The following WWC2 variants were observed in gnomAD, a reference collection of about 807,000 sequenced individuals.
WWC2 encodes the protein protein WWC2.
WWC2 carries 101 observed loss-of-function variants against 138.5 expected under a neutral mutation model. That is an observed-to-expected ratio of 0.73 (90% confidence interval 0.62 to 0.86). WWC2 has a LOEUF of 0.86. Among genes scored for constraint, WWC2 ranks in the 40% least tolerant of loss-of-function variants. The pLI is 0.00. For missense variants in WWC2, 1,420 were observed against 1,419.4 expected (o/e 1.00, Z -0.01); for synonymous variants, 558 against 538.4 (o/e 1.04, Z -0.50).
At chr4:183,200,335 T>G (rs1176013847) in intron 2 of WWC2, among the ~76,000 whole-genome samples, 2 of 152,198 alleles carry the variant, frequency 1.3e-5, no homozygotes, top group Non-Finnish European at 2.9e-5. Flanking sequence ...CTCAAAAGAT[T>G]GAGAGAGAAC....
intron 1 of WWC2, among the ~76,000 whole-genome samples, chr4:183,178,964 A>T (rs1409062762): frequency 6.6e-6 from 1 of 152,208 alleles, no homozygotes; most frequent in African/African-American, 2.4e-5. Context: ...TGTTTTGGAT[A>T]CAATTAAAAT....
chr4:183,276,219 T>A (rs551762805), intron 16 of WWC2, among the ~76,000 whole-genome samples: 1 of 152,126 alleles, frequency 6.6e-6, no homozygotes. Flanking sequence ...ATATTTAAAG[T>A]ATTCTACTTA....
chr4:183,120,001 C>T (rs963179099), intron 1 of WWC2, among the ~76,000 whole-genome samples: 2 of 152,154 alleles, frequency 1.3e-5, no homozygotes, highest in South Asian at 2.1e-4. Flanking sequence ...AAACCCACAA[C>T]GGAAATGGAA....
At position 183,223,071 on chromosome 4, in the gene WWC2, G is replaced by A. The variant is rs963666303; in HGVS notation, c.522+14046G>A. 2.6e-5 allele frequency among the ~76,000 whole-genome samples: 4 copies of A among 152,212 alleles called. No homozygotes were observed. The South Asian group carries it at 8.3e-4, about 31-fold the overall frequency. ...TAGTCCCATGAGATTATGATGCCAT[G>A]TTTTTGCTATACCCTTTCTATCTTT... On this transcript the variant is annotated intron_variant, in intron 4 of 22. Coordinates refer to ENST00000403733, the MANE Select transcript of WWC2 (RefSeq NM_024949.6).
intron 4 of WWC2, among the ~76,000 whole-genome samples, chr4:183,213,197 A>T (rs575361876): frequency 2.4e-4 from 36 of 152,304 alleles, no homozygotes; most frequent in Non-Finnish European, 4.1e-4. Context: ...TTGGGCACAG[A>T]TGGTGCGCTG....
At chr4:183,144,410 A>G (rs113067491) in intron 1 of WWC2, among the ~76,000 whole-genome samples, 1 of 151,496 alleles carries the variant, frequency 6.6e-6, no homozygotes, top group African/African-American at 2.4e-5. Context: ...ATTTTTTTTT[A>G]TTTAAAAAAA....
At chr4:183,136,634 C>T (rs183437565) in intron 1 of WWC2, among the ~76,000 whole-genome samples, 100 of 152,282 alleles carry the variant, frequency 6.6e-4, no homozygotes, top group African/African-American at 2.4e-3. Context: ...CAAGCTTATC[C>T]AACCCGTGGC....
At chr4:183,113,223 G>A (rs1579949224) in intron 1 of WWC2, among the ~76,000 whole-genome samples, 1 of 152,052 alleles carries the variant, frequency 6.6e-6, no homozygotes, top group Non-Finnish European at 1.5e-5. Context: ...AGTGAGCTGA[G>A]ATTGCACCAC....
intron 1 of WWC2, among the ~76,000 whole-genome samples, chr4:183,190,165 ATTG>A (rs778902377): frequency 3.3e-5 from 5 of 152,148 alleles, no homozygotes; most frequent in Non-Finnish European, 7.4e-5. Context: ...TTTTGTTGTT[ATTG>A]TTGTTGTTGC....
At chr4:183,223,929 C>G (rs1019129817) in intron 4 of WWC2, among the ~76,000 whole-genome samples, 5 of 152,108 alleles carry the variant, frequency 3.3e-5, no homozygotes, top group Non-Finnish European at 4.4e-5. Flanking sequence ...CAGGATTTAG[C>G]CATGTTGGCC....
intron 1 of WWC2, among the ~76,000 whole-genome samples, chr4:183,132,497 A>G (rs988604144): frequency 2.0e-5 from 3 of 149,500 alleles, no homozygotes; most frequent in African/African-American, 2.5e-5. Flanking sequence ...TCTGTCGCCC[A>G]GGCTGGAGTG....
At chr4:183,218,654 C>G (rs538622474) in intron 4 of WWC2, among the ~76,000 whole-genome samples, 3 of 152,170 alleles carry the variant, frequency 2.0e-5, no homozygotes, top group Non-Finnish European at 4.4e-5. Flanking sequence ...AGACCAGCAG[C>G]CTGGAGACCC....
intron 1 of WWC2, among the ~76,000 whole-genome samples, chr4:183,166,630 C>A (rs557650023): frequency 8.5e-4 from 130 of 152,264 alleles, no homozygotes; most frequent in South Asian, 2.5e-3. Context: ...GTCATTTACT[C>A]ACTTGTTTTT....
At chr4:183,290,104 A>G (rs971049178) in intron 21 of WWC2, among the ~76,000 whole-genome samples, 2 of 152,158 alleles carry the variant, frequency 1.3e-5, no homozygotes, top group East Asian at 1.9e-4. Flanking sequence ...TAATGCTACT[A>G]AATTTTCACT....
chr4:183,166,393 A>G (rs1016211851), intron 1 of WWC2, among the ~76,000 whole-genome samples: 3 of 152,258 alleles, frequency 2.0e-5, no homozygotes, highest in South Asian at 2.1e-4. Context: ...GAATGTCTCG[A>G]TTTCAGAACT....
Position 183,268,438 on chromosome 4 carries a change from C to G in WWC2, c.2208-533C>G, listed in dbSNP as rs371387103. On this transcript the variant is annotated intron_variant, in intron 14 of 22. Transcript: ENST00000403733. ...ATGCTAGACAGTGATATTTTTGAAC[C>G]GTTGTTTCATCTGTTTTAAATTTTC... Among the ~76,000 whole-genome samples, 119 of 152,172 alleles carry G rather than the reference C, an allele frequency of 7.8e-4. 2 individuals carry two copies. The South Asian group carries it at 0.021, about 27-fold the overall frequency.
At chr4:183,177,705 A>G (rs781290893) in intron 1 of WWC2, among the ~76,000 whole-genome samples, 8 of 152,014 alleles carry the variant, frequency 5.3e-5, no homozygotes, top group Admixed American at 3.9e-4. Context: ...TATTTTTTGG[A>G]TGTCTATAAA....
In WWC2 at chr4:183,099,627, G is replaced by A; in HGVS notation, c.131+5G>A. On this transcript the variant is annotated splice_donor_5th_base_variant and intron_variant, in intron 1 of 22. Coordinates refer to ENST00000403733, the MANE Select transcript of WWC2 (RefSeq NM_024949.6). Reference sequence around the variant, plus strand: ...CTGGATCGACCCCCGGGACAGGTGGGCGCCGGCCGCGGGGGCGCGGGCCCG... The same window carrying A: ...CTGGATCGACCCCCGGGACAGGTGGACGCCGGCCGCGGGGGCGCGGGCCCG... 7.5e-7 allele frequency: 1 copy of A among 1,333,264 alleles called. No individual in the cohort carries two copies. Among genetic ancestry groups the A allele is most frequent in the Non-Finnish European group, 9.8e-7 (1 of 1,025,138 alleles). 82.6% of individuals were successfully genotyped at this position (1,333,264 alleles called of 1,614,324 possible). A position where few individuals can be genotyped will look rare whatever the true frequency, so the allele number is the denominator to read the frequency against.
chr4:183,145,122 T>C (rs1314913061), intron 1 of WWC2, among the ~76,000 whole-genome samples: 2 of 152,222 alleles, frequency 1.3e-5, no homozygotes, highest in African/African-American at 4.8e-5. Context: ...TGGTTGAGGC[T>C]ATGGTTTTAA....
Sources: gnomAD v4.1 joint callset for allele counts (sites outside exome capture counted in the v4.1 genomes callset) on GRCh38, gnomAD v4.1.1 for gene constraint, MANE v1.5 for transcripts, NCBI Gene and HGNC (gene_info 2026-07-23, HGNC 2026-07-21) for gene names.